COL4A4: variants seen among roughly 807,000 people sequenced by gnomAD.
COL4A4 encodes the protein collagen alpha-4(IV) chain.
In COL4A4, 105 loss-of-function variants were observed where a neutral mutation model predicts 192.9. The ratio of observed to expected loss-of-function variants is 0.54; its 90% CI spans 0.46 to 0.64. The LOEUF (loss-of-function observed/expected upper bound fraction) is 0.64, where lower values mean the gene tolerates loss of function less well. Ranked by LOEUF, COL4A4 falls within the 30% of genes least tolerant of loss-of-function variation. The pLI, the probability that COL4A4 is intolerant of heterozygous loss-of-function variation, is 0.00. For synonymous variants in COL4A4, 762 were observed against 769.9 expected (o/e 0.99, Z 0.17); for missense variants, 1,967 against 2,169.3 (o/e 0.91, Z 1.85).
chr2:227,086,826 T>A (rs2059625631), intron 22 of COL4A4, among the ~76,000 whole-genome samples: 2 of 152,244 alleles, frequency 1.3e-5, no homozygotes, highest in African/African-American at 4.8e-5. Flanking sequence ...AAATGTTGAA[T>A]GCAAACTACT....
chr2:227,068,595 A>G (rs1412624791), intron 25 of COL4A4, among the ~76,000 whole-genome samples: 1 of 152,230 alleles, frequency 6.6e-6, no homozygotes, highest in Non-Finnish European at 1.5e-5. Flanking sequence ...TCCAGCATAT[A>G]AACAGAACCA....
At chr2:227,083,855 A>G (rs1370572940) in intron 22 of COL4A4, among the ~76,000 whole-genome samples, 2 of 152,192 alleles carry the variant, frequency 1.3e-5, no homozygotes, top group African/African-American at 4.8e-5. Flanking sequence ...GGAGGAGGGT[A>G]CCAGTGGAGA....
At chr2:227,019,699 C>T (rs530216387) in intron 44 of COL4A4, among the ~76,000 whole-genome samples, 6 of 152,358 alleles carry the variant, frequency 3.9e-5, no homozygotes, top group African/African-American at 1.4e-4. Context: ...CGGAGTTTCA[C>T]TCTTGTTGCC....
At chr2:227,084,736 G>T (rs190357261) in intron 22 of COL4A4, among the ~76,000 whole-genome samples, 1 of 152,224 alleles carries the variant, frequency 6.6e-6, no homozygotes, top group Admixed American at 6.5e-5. Context: ...TGGGGCAAAG[G>T]TTCTCAGCAG....
At chr2:227,058,649 G>C (rs1023708479) in intron 28 of COL4A4, among the ~76,000 whole-genome samples, 11 of 152,118 alleles carry the variant, frequency 7.2e-5, no homozygotes, top group Non-Finnish European at 2.9e-5. Flanking sequence ...CATCTGATCT[G>C]TGGTTCACAT....
At chr2:227,150,758 C>G (rs1313833159) in intron 1 of COL4A4, among the ~76,000 whole-genome samples, 1 of 152,136 alleles carries the variant, frequency 6.6e-6, no homozygotes, top group African/African-American at 2.4e-5. Flanking sequence ...CTCCTGAGAA[C>G]TCACTCACTG....
intron 35 of COL4A4, among the ~76,000 whole-genome samples, chr2:227,045,572 C>T (rs1487760258): frequency 1.3e-5 from 2 of 151,546 alleles, no homozygotes; most frequent in Non-Finnish European, 2.9e-5. Context: ...GAGTTTGAGA[C>T]CAGCCTAGCC....
At chr2:227,116,770 T>C (rs1404460903) in intron 7 of COL4A4, among the ~76,000 whole-genome samples, 1 of 152,094 alleles carries the variant, frequency 6.6e-6, no homozygotes, top group Non-Finnish European at 1.5e-5. Flanking sequence ...CTAGGTAAAG[T>C]GACACAGATG....
intron 24 of COL4A4, among the ~76,000 whole-genome samples, chr2:227,079,741 C>T (rs555048855): frequency 6.6e-6 from 1 of 152,324 alleles, no homozygotes; most frequent in South Asian, 2.1e-4. Flanking sequence ...CATTTTCTTA[C>T]TGTAAAATTG....
chr2:227,093,957 T>C (rs1284798475), intron 20 of COL4A4, among the ~76,000 whole-genome samples, 168 bp downstream of exon 20: 1 of 152,258 alleles, frequency 6.6e-6, no homozygotes, highest in Non-Finnish European at 1.5e-5. Context: ...CATACTTTAA[T>C]GGATGTGAAA....
the COL4A4 span, chr2:226,996,400 C>T: frequency 6.6e-6 from 1 of 152,206 alleles, no homozygotes; most frequent in Non-Finnish European, 1.5e-5. Context: ...TTGTACCAGC[C>T]ACTTGTCCTA....
At chr2:227,096,561 A>C (rs1352542225) in intron 19 of COL4A4, among the ~76,000 whole-genome samples, 1 of 152,236 alleles carries the variant, frequency 6.6e-6, no homozygotes. Flanking sequence ...CACAAAGTTT[A>C]GGCCAAATAT....
intron 4 of COL4A4, among the ~76,000 whole-genome samples, chr2:227,125,211 T>G (rs992225240): frequency 6.6e-6 from 1 of 152,162 alleles, no homozygotes; most frequent in Non-Finnish European, 1.5e-5. Flanking sequence ...TTATTTTTTT[T>G]TTGTTTTTTT....
At chr2:227,144,976 G>A (rs1291636018) in intron 2 of COL4A4, among the ~76,000 whole-genome samples, 2 of 152,164 alleles carry the variant, frequency 1.3e-5, no homozygotes, top group African/African-American at 4.8e-5. Flanking sequence ...ACTAGAAGGA[G>A]GGAAGGTGGA....
At chr2:227,129,102 A>T (rs1362293954) in intron 4 of COL4A4, among the ~76,000 whole-genome samples, 1 of 152,196 alleles carries the variant, frequency 6.6e-6, no homozygotes, top group Admixed American at 6.5e-5. Flanking sequence ...ACAGTGTGTT[A>T]ATACATTCTT....
At chr2:226,982,617 T>G in the COL4A4 span, among the ~76,000 whole-genome samples, 12 of 152,188 alleles carry the variant, frequency 7.9e-5, no homozygotes, top group African/African-American at 2.9e-4. Flanking sequence ...ACAAAACAAA[T>G]AGACTGAATT....
chr2:227,114,540 G>C, intron 8 of COL4A4, 88 bp downstream of exon 8: 2 of 1,050,214 alleles, frequency 1.9e-6, no homozygotes, highest in South Asian at 2.5e-5. Flanking sequence ...GGGACATTTT[G>C]AAGAAAAATC....
chr2:227,011,392 C>A (rs954249281), intron 45 of COL4A4, among the ~76,000 whole-genome samples: 1 of 152,186 alleles, frequency 6.6e-6, no homozygotes, highest in Non-Finnish European at 1.5e-5. Flanking sequence ...ATATTTTGAA[C>A]GAAGAGAGTG....
intron 25 of COL4A4, among the ~76,000 whole-genome samples, chr2:227,072,686 C>T (rs1176393309): frequency 6.6e-6 from 1 of 151,832 alleles, no homozygotes; most frequent in Non-Finnish European, 1.5e-5. Context: ...AACAGCATAT[C>T]AAAAAGAGAA....
Sources: allele counts gnomAD v4.1 joint callset (sites outside exome capture counted in the v4.1 genomes callset), GRCh38; gene constraint gnomAD v4.1.1; transcripts MANE v1.5; gene names NCBI Gene and HGNC (gene_info 2026-07-23, HGNC 2026-07-21).